RNF10: variants seen among roughly 807,000 people sequenced by gnomAD.
RNF10 encodes ring finger protein 10.
Under a neutral mutation model 91.4 loss-of-function variants are expected in RNF10, and 38 were observed. That is an observed-to-expected ratio of 0.42 (90% CI 0.32 to 0.54). The LOEUF is 0.54. RNF10 is among the 20% of genes least tolerant of loss of function. The pLI, the probability that RNF10 is intolerant of heterozygous loss-of-function variation, is 0.16. For synonymous variants in RNF10, 364 were observed against 366.3 expected, an observed-to-expected ratio of 0.99 and a Z score of 0.07; for missense variants, 945 against 1,012.0, an observed-to-expected ratio of 0.93 and a Z score of 0.90.
chr12:120,545,049 A>G (rs1354472239), intron 1 of RNF10, among the ~76,000 whole-genome samples: 2 of 152,264 alleles, frequency 1.3e-5, no homozygotes, highest in Non-Finnish European at 2.9e-5. Flanking sequence ...TGTGACACGT[A>G]TGTAAAATGG....
At chr12:120,541,960 A>G (rs1398480668) in intron 1 of RNF10, among the ~76,000 whole-genome samples, 3 of 146,118 alleles carry the variant, frequency 2.1e-5, no homozygotes, top group African/African-American at 7.6e-5. Flanking sequence ...CCCGCCTCCC[A>G]GGTTCACACC....
chr12:120,545,348 A>AT (rs36040889), intron 1 of RNF10, among the ~76,000 whole-genome samples: 42,940 of 132,286 alleles, frequency 0.32, 7,113 homozygotes, highest in East Asian at 0.5. Flanking sequence ...TGCCCGGCTA[A>AT]TTTTTTTTTT....
intron 1 of RNF10, among the ~76,000 whole-genome samples, chr12:120,536,010 CATT>C (rs1318909810): frequency 1.3e-5 from 2 of 152,158 alleles, no homozygotes; most frequent in African/African-American, 4.8e-5. Flanking sequence ...ATTTCAGTCA[CATT>C]AGCAGTAATA....
intron 3 of RNF10, among the ~76,000 whole-genome samples, chr12:120,553,432 T>TTGCTCTGTCACCCAG (rs1453654922): frequency 7.0e-6 from 1 of 143,064 alleles, no homozygotes; most frequent in African/African-American, 2.6e-5. Flanking sequence ...AGACAAAGTC[T>TTGCTCTGTCACCCAG]TGCTCTGTCA....
At chr12:120,543,672 T>A (rs1871892344) in intron 1 of RNF10, among the ~76,000 whole-genome samples, 1 of 152,130 alleles carries the variant, frequency 6.6e-6, no homozygotes, top group Admixed American at 6.6e-5. Context: ...ATGGTGTATA[T>A]GCCTGGAGTC....
intron 11 of RNF10, 30 bp downstream of exon 11, chr12:120,565,219 A>G (rs1565966229): frequency 1.4e-6 from 2 of 1,457,278 alleles, no homozygotes; most frequent in Non-Finnish European, 9.6e-7. Context: ...GCTTCTCTTT[A>G]TAGTAGGGTT....
At position 120,568,647 on chromosome 12, in the gene RNF10, TG is replaced by T. The variant is rs370738566; in HGVS notation, c.2041+1668del. Among the ~76,000 whole-genome samples, 39 of 151,728 alleles carry T rather than the reference TG, an allele frequency of 2.6e-4. No individual in the cohort carries two copies. In the East Asian group the frequency reaches 6.5e-3, roughly 25 times the overall value. ...TGCGTCACCATGCCTGGCTAATTTT[TG>T]TATTTTTAATAGAGACAGGGTCTCT... On this transcript the variant is annotated intron_variant, in intron 13 of 16. Transcript: ENST00000325954.
At position 120,562,926 on chromosome 12, in the gene RNF10, TTC is replaced by T. The variant is rs776119099; in HGVS notation, c.1129-13_1129-12del. 433 of 1,613,712 alleles carry T rather than the reference TTC, an allele frequency of 2.7e-4. 3 individuals carry two copies. In the East Asian group the frequency reaches 9.2e-3, roughly 34 times the overall value. On this transcript the variant is annotated splice_polypyrimidine_tract_variant and intron_variant, in intron 7 of 16. Transcript: ENST00000325954. ...TCTGGAAACTTAACCTTCTCTGGTG[TTC>T]TCTCTGGCCACGTTAGACTCGGGAA... is the stretch of plus-strand genomic sequence containing the variant.
chr12:120,565,213 C>T (rs774293912), intron 11 of RNF10, 24 bp downstream of exon 11: 2 of 1,480,286 alleles, frequency 1.4e-6, no homozygotes. Context: ...TGCTCTGCTT[C>T]TCTTTATAGT....
Position 120,576,667 on chromosome 12 carries a change from C to T in RNF10, c.*1C>T, listed in dbSNP as rs1226512355. On this transcript the variant is annotated 3_prime_UTR_variant, in exon 17 of 17. Transcript: ENST00000325954. The stretch of plus-strand genomic sequence containing the variant: ...CACCTCAGTCGTCCACACCAAGTGA[C>T]ACTACTGGCCCAGGCTACCTTCTCC... The T allele has an allele frequency of 6.2e-6, 10 of 1,610,502 alleles. No individual in the cohort carries two copies. Among genetic ancestry groups the T allele is most frequent in the Non-Finnish European group, 7.6e-6 (9 of 1,178,896 alleles).
intron 1 of RNF10, among the ~76,000 whole-genome samples, chr12:120,543,954 A>T (rs1871929751): frequency 6.6e-6 from 1 of 151,266 alleles, no homozygotes; most frequent in Non-Finnish European, 1.5e-5. Context: ...CATGCTGGGC[A>T]TGGTGGCTCA....
At chr12:120,547,701 C>T (rs549766596) in intron 2 of RNF10, among the ~76,000 whole-genome samples, 5 of 152,136 alleles carry the variant, frequency 3.3e-5, no homozygotes, top group East Asian at 1.9e-4. Flanking sequence ...AGTAGGCTAC[C>T]GTAAGTGGAG....
intron 1 of RNF10, among the ~76,000 whole-genome samples, chr12:120,536,386 T>G (rs1029569679): frequency 2.0e-5 from 3 of 152,166 alleles, no homozygotes; most frequent in African/African-American, 7.2e-5. Context: ...ATCACGATAC[T>G]GCATACCATC....
chr12:120,565,034 C>T (rs1775250150), intron 10 of RNF10, 38 bp from the exon 11 acceptor site: 1 of 1,413,866 alleles, frequency 7.1e-7, no homozygotes, highest in Non-Finnish European at 1.0e-6. Context: ...CAGAGTTAGG[C>T]TTGCTTTTGT....
intron 14 of RNF10, among the ~76,000 whole-genome samples, chr12:120,571,500 C>T (rs986757474): frequency 5.3e-5 from 8 of 152,034 alleles, no homozygotes; most frequent in Non-Finnish European, 7.4e-5. Flanking sequence ...CATGGACGTC[C>T]GCTCTGTTGG....
chr12:120,535,026 C>A lies in RNF10; in HGVS notation c.157+58C>A. The A allele has an allele frequency of 2.0e-6, 3 of 1,496,068 alleles. No individual in the cohort carries two copies. The South Asian group carries it at 3.7e-5, about 19-fold the overall frequency. The allele number at this position is 1,496,068 out of a possible 1,614,324, so 92.7% of individuals were successfully genotyped here. ...GACTGCCCCTGCTGCTGGGGAGAGT[C>A]GTTGCTCTCATCGGCTGGGTTACTC... On this transcript the variant is annotated intron_variant, in intron 1 of 16. Transcript: ENST00000325954.
At chr12:120,548,964 C>T (rs1872679506) in intron 2 of RNF10, among the ~76,000 whole-genome samples, 3 of 152,124 alleles carry the variant, frequency 2.0e-5, no homozygotes, top group African/African-American at 7.2e-5. Flanking sequence ...GCCACCGCGC[C>T]CGGCTGAGGG....
At chr12:120,562,267 C>CTTTTTTTTTTTTTTTTTTT (rs1174061958) in intron 7 of RNF10, among the ~76,000 whole-genome samples, 1 of 102,182 alleles carries the variant, frequency 9.8e-6, no homozygotes, top group African/African-American at 3.3e-5. Flanking sequence ...CTTTTTCTTT[C>CTTTTTTTTTTTTTTTTTTT]TTTCTTTTTT....
intron 4 of RNF10, among the ~76,000 whole-genome samples, chr12:120,555,679 A>G (rs1873879330): frequency 6.6e-6 from 1 of 150,604 alleles, no homozygotes; most frequent in South Asian, 2.1e-4. Flanking sequence ...TTTTTTTAGT[A>G]GAGATGGGGT....
Sources: allele counts gnomAD v4.1 joint callset (sites outside exome capture counted in the v4.1 genomes callset), GRCh38; gene constraint gnomAD v4.1.1; transcripts MANE v1.5; gene names NCBI Gene and HGNC (gene_info 2026-07-23, HGNC 2026-07-21).